ZFP30: variants seen among roughly 807,000 people sequenced by gnomAD.
ZFP30 encodes the protein ZFP30 zinc finger protein, also known as zinc finger protein 30 homolog.
A neutral mutation model predicts 12.3 loss-of-function variants in ZFP30; 16 were observed. That is an observed-to-expected ratio of 1.30 (90% CI 0.88 to 1.98). The LOEUF is 1.98. Among genes scored for constraint, ZFP30 ranks in the 30% most tolerant of loss-of-function variants. The probability of loss-of-function intolerance (pLI) is 0.00; values close to 1 mark genes in which losing one functional copy is unlikely to be tolerated. For synonymous variants in ZFP30, 172 were observed against 201.0 expected, an observed-to-expected ratio of 0.86 and a Z score of 1.22; for missense variants, 560 against 611.2, an observed-to-expected ratio of 0.92 and a Z score of 0.88.
rs575034713 is a variant in ZFP30 at position 37,632,576 on chromosome 19, CAA to C, written c.*2403_*2404del. ...AATTTTCCTATAACAATTTTAAAAA[CAA>C]AAAAGTGTTATTCATTTTAATGTAT... On this transcript the variant is annotated 3_prime_UTR_variant, in exon 6 of 6. Coordinates refer to ENST00000684514, the MANE Select transcript of ZFP30 (RefSeq NM_001320669.3). The C allele has an allele frequency of 3.4e-3, 512 of 151,836 alleles. 5 individuals are homozygous for C. The highest frequency in any genetic ancestry group is 0.011 in the African/African-American group (454 of 41,342). The allele number at this position is 151,836 out of a possible 1,614,324, so 9.4% of individuals were successfully genotyped here. A position where few individuals can be genotyped will look rare whatever the true frequency, so the allele number is the denominator to read the frequency against.
rs2044286213 is a variant in ZFP30, at chr19:37,634,721, T to C, written c.*260A>G. On this transcript the variant is annotated 3_prime_UTR_variant, in exon 6 of 6. Coordinates refer to ENST00000684514, the MANE Select transcript of ZFP30 (RefSeq NM_001320669.3). ...AGATGGAAGAATATGGAGATAATAATAGGTAAGATCAAAAGCTTTTCCACA... is the reference window on the plus strand; with the variant it reads ...AGATGGAAGAATATGGAGATAATAACAGGTAAGATCAAAAGCTTTTCCACA... 1 of 358,176 alleles carries C rather than the reference T, an allele frequency of 2.8e-6. No individual in the cohort carries two copies. The highest frequency in any genetic ancestry group is 4.2e-5 in the Admixed American group (1 of 23,920). The allele number at this position is 358,176 out of a possible 1,614,324, so 22.2% of individuals were successfully genotyped here.
rs1313926450 is a variant in ZFP30 at position 37,634,825 on chromosome 19, T to C, written c.*156A>G. 2 of 787,618 alleles carry C rather than the reference T, an allele frequency of 2.5e-6. No homozygotes were observed. Among genetic ancestry groups the C allele is most frequent in the East Asian group, 5.9e-5 (2 of 33,858 alleles). 48.8% of individuals were successfully genotyped at this position (787,618 alleles called of 1,614,324 possible). A position where few individuals can be genotyped will look rare whatever the true frequency, so the allele number is the denominator to read the frequency against. On this transcript the variant is annotated 3_prime_UTR_variant, in exon 6 of 6. Coordinates refer to ENST00000684514, the MANE Select transcript of ZFP30 (RefSeq NM_001320669.3). ...GGTTTCAAAGGTGATGAAAGGCTTC[T>C]ATATGTTCATTAACATATTCTTTCC...
At position 37,632,337 on chromosome 19, in the gene ZFP30, T is replaced by G. The variant is rs1258032824; in HGVS notation, c.*2644A>C. 6.6e-6 allele frequency: 1 copy of G among 152,082 alleles called. No homozygotes were observed. The highest frequency in any genetic ancestry group is 1.5e-5 in the Non-Finnish European group (1 of 67,992). 9.4% of individuals were successfully genotyped at this position (152,082 alleles called of 1,614,324 possible). ...ACTATACACACACACATTACATATA[T>G]GTAGTATAGCAACTTATAACTTTAA... On this transcript the variant is annotated 3_prime_UTR_variant, in exon 6 of 6. Coordinates refer to ENST00000684514, the MANE Select transcript of ZFP30 (RefSeq NM_001320669.3).
At position 37,631,331 on chromosome 19, in the gene ZFP30, GTTTTA is replaced by G. The variant is rs968134615; in HGVS notation, c.*3645_*3649del. 3 of 152,180 alleles carry G rather than the reference GTTTTA, an allele frequency of 2.0e-5. No individual in the cohort carries two copies. Among genetic ancestry groups the G allele is most frequent in the African/African-American group, 7.2e-5 (3 of 41,438 alleles). 9.4% of individuals were successfully genotyped at this position (152,180 alleles called of 1,614,324 possible). A position where few individuals can be genotyped will look rare whatever the true frequency, so the allele number is the denominator to read the frequency against. On this transcript the variant is annotated 3_prime_UTR_variant, in exon 6 of 6. Transcript: ENST00000684514. Reference sequence around the variant, plus strand: ...TACTTCATTATTTGGAGAAGCTATAGTTTTATTTTCTTAATTATTAATTTTAATAT... The same window carrying G: ...TACTTCATTATTTGGAGAAGCTATAGTTTTCTTAATTATTAATTTTAATAT...
intron 5 of ZFP30, among the ~76,000 whole-genome samples, chr19:37,638,167 C>T (rs926894075): frequency 6.6e-6 from 1 of 152,228 alleles, no homozygotes; most frequent in Non-Finnish European, 1.5e-5. Context: ...GATACCTCCA[C>T]TGCAGTTCAA....
upstream of ZFP30, chr19:37,655,920 C>T (rs1317788179): frequency 2.6e-5 from 4 of 152,362 alleles, no homozygotes; most frequent in South Asian, 2.1e-4. Flanking sequence ...GCCGCACCTG[C>T]CGAGGGGTCG....
intron 2 of ZFP30, among the ~76,000 whole-genome samples, chr19:37,654,413 A>G (rs2044711091): frequency 6.6e-6 from 1 of 152,328 alleles, no homozygotes; most frequent in Middle Eastern, 3.4e-3. Context: ...AAATAAAAAC[A>G]AAGTATGAAC....
chr19:37,649,261 AAAAG>A (rs1419593799), intron 2 of ZFP30, among the ~76,000 whole-genome samples: 1 of 151,668 alleles, frequency 6.6e-6, no homozygotes, highest in African/African-American at 2.4e-5. Flanking sequence ...AAAAAAAAAA[AAAAG>A]AACAAAATAG....
intron 2 of ZFP30, among the ~76,000 whole-genome samples, chr19:37,654,337 T>G (rs1229476580): frequency 6.6e-6 from 1 of 152,084 alleles, no homozygotes; most frequent in Non-Finnish European, 1.5e-5. Context: ...CTCATGAATT[T>G]CCTGGAAAAA....
At chr19:37,653,737 T>C (rs1243182701) in intron 2 of ZFP30, among the ~76,000 whole-genome samples, 1 of 152,236 alleles carries the variant, frequency 6.6e-6, no homozygotes, top group Non-Finnish European at 1.5e-5. Flanking sequence ...TATACAACTC[T>C]GATAATACCA....
At chr19:37,649,822 T>C (rs941316418) in intron 2 of ZFP30, among the ~76,000 whole-genome samples, 1 of 127,810 alleles carries the variant, frequency 7.8e-6, no homozygotes, top group African/African-American at 2.9e-5. Flanking sequence ...ATACCCCGTC[T>C]TAAAAAAAAA....
At position 37,635,912 on chromosome 19, in the gene ZFP30, G is replaced by T; in HGVS notation, c.629C>A (p.Ser210Tyr). 6.2e-7 allele frequency: 1 copy of T among 1,614,126 alleles called. No homozygotes were observed. The highest frequency in any genetic ancestry group is 8.5e-7 in the Non-Finnish European group (1 of 1,180,032). Reference protein sequence around the residue: ...HLSRHQRIHTSDKLYECKKCG... With the variant: ...HLSRHQRIHTYDKLYECKKCG... ...TTTTTTACATTCATAGAGTTTGTCA[G>T]AAGTATGAATTCTCTGATGTCGACT... The change falls in exon 6 of 6, where the codon TCT (serine) becomes TAT (tyrosine). Residue 210 changes from serine to tyrosine, a missense_variant. Physicochemically the swap from Ser to Tyr is moderately radical, Grantham distance 144 (BLOSUM62 -2). Transcript: ENST00000684514.
intron 4 of ZFP30, 85 bp downstream of exon 4, chr19:37,644,525 T>C (rs2044500635): frequency 1.4e-6 from 2 of 1,380,438 alleles, no homozygotes; most frequent in South Asian, 3.1e-5. Context: ...TCAGCGAGAC[T>C]TCGTCTTTGG....
chr19:37,637,601 T>C (rs1568380669), intron 5 of ZFP30, among the ~76,000 whole-genome samples: 2 of 152,282 alleles, frequency 1.3e-5, no homozygotes, highest in South Asian at 4.2e-4. Context: ...GCAATTCTCG[T>C]GTCTCAGCCT....
chr19:37,645,420 AT>A (rs2044524382), intron 3 of ZFP30, among the ~76,000 whole-genome samples: 1 of 151,986 alleles, frequency 6.6e-6, no homozygotes, highest in African/African-American at 2.4e-5. Flanking sequence ...AAGGGCCAAT[AT>A]TTTAGGCTTT....
At chr19:37,654,486 G>C (rs527621760) in intron 2 of ZFP30, among the ~76,000 whole-genome samples, 1 of 152,278 alleles carries the variant, frequency 6.6e-6, no homozygotes, top group South Asian at 2.1e-4. Flanking sequence ...CGCTCACAGA[G>C]TAATTGAATT....
rs565042598 is a variant in ZFP30 at position 37,646,047 on chromosome 19, A to T, written c.10-1311T>A. Among the ~76,000 whole-genome samples, 319 of 152,362 alleles carry T rather than the reference A, an allele frequency of 2.1e-3. 1 individual carries two copies. The highest frequency in any genetic ancestry group is 7.3e-3 in the African/African-American group (304 of 41,582). On this transcript the variant is annotated intron_variant, in intron 3 of 5. Transcript: ENST00000684514. The stretch of plus-strand genomic sequence containing the variant: ...GAAAAATTCCAGAAATAAACAATTC[A>T]TAAGTTTTCAACTCCATGCCATTCT...
rs1315879634 is a variant in ZFP30, at chr19:37,635,585, A to C, written c.956T>G (p.Leu319Arg). Residue 319 changes from leucine to arginine, a missense_variant, in exon 6 of 6, where the codon CTT becomes CGT. By Grantham distance (102) the Leu-to-Arg change is moderately radical. Coordinates refer to ENST00000684514, the MANE Select transcript of ZFP30 (RefSeq NM_001320669.3). ...CSTGLRLHHK[L>R]HTGEKPYECK... ...TTCATAGGGTTTTTCTCCAGTATGA[A>C]GTTTGTGATGTAGTCGAAGGCCTGT... is the stretch of plus-strand genomic sequence containing the variant. The C allele has an allele frequency of 3.1e-6, 5 of 1,614,008 alleles. No individual in the cohort carries two copies. Among genetic ancestry groups the C allele is most frequent in the Non-Finnish European group, 4.2e-6 (5 of 1,180,030 alleles).
chr19:37,646,429 C>T lies in ZFP30; in HGVS notation c.9+1385G>A, dbSNP rs1023468587. On this transcript the variant is annotated intron_variant, in intron 3 of 5. Transcript: ENST00000684514. Reference sequence around the variant, plus strand: ...AGTTTAGCAATATGTGGATACTGAGCACTTGAACTGGGACTAGTCCAAATT... The same window carrying T: ...AGTTTAGCAATATGTGGATACTGAGTACTTGAACTGGGACTAGTCCAAATT... Among the ~76,000 whole-genome samples the T allele has an allele frequency of 2.0e-5, 3 of 152,114 alleles. No homozygotes were observed. In the South Asian group the frequency reaches 6.2e-4, roughly 32 times the overall value.
Sources: allele counts gnomAD v4.1 joint callset (sites outside exome capture counted in the v4.1 genomes callset), GRCh38; gene constraint gnomAD v4.1.1; transcripts MANE v1.5; gene names NCBI Gene and HGNC (gene_info 2026-07-23, HGNC 2026-07-21).